CLDND1: variants seen among roughly 807,000 people sequenced by gnomAD.
CLDND1 encodes claudin domain-containing protein 1.
A neutral mutation model predicts 26.3 loss-of-function variants in CLDND1; 13 were observed. That is an observed-to-expected ratio of 0.49 (90% CI 0.32 to 0.78). The LOEUF (loss-of-function observed/expected upper bound fraction) is 0.78, where lower values mean the gene tolerates loss of function less well. CLDND1 is among the 30% of genes least tolerant of loss of function. The pLI, the probability that CLDND1 is intolerant of heterozygous loss-of-function variation, is 0.03. For missense variants in CLDND1, 289 were observed against 312.8 expected, an observed-to-expected ratio of 0.92 and a Z score of 0.57; for synonymous variants, 107 against 107.0, an observed-to-expected ratio of 1.00 and a Z score of 0.00.
rs1251503227 is a variant in CLDND1, at chr3:98,521,225, G to A, written c.200C>T (p.Ala67Val). 10 of 1,614,046 alleles carry A rather than the reference G, an allele frequency of 6.2e-6. No homozygotes were observed. The highest frequency in any genetic ancestry group is 8.5e-6 in the Non-Finnish European group (10 of 1,179,998). The stretch of plus-strand genomic sequence containing the variant: ...CACTGTGCCATTGTATCGAAAAAGT[G>A]CATCATTATAAGTCTTTTCATCTGC... ...DEADEKTYND[A>V]LFRYNGTVGL... The change falls in exon 2 of 5, where the codon GCA (alanine) becomes GTA (valine). Residue 67 changes from alanine (A) to valine (V), a missense_variant. Physicochemically the swap from Ala to Val is moderately conservative, Grantham distance 64. Coordinates refer to ENST00000341181, the MANE Select transcript of CLDND1 (RefSeq NM_001040181.2).
At chr3:98,522,807 C>T in intron 1 of CLDND1, 42 bp downstream of exon 1, 3 of 1,613,510 alleles carry the variant, frequency 1.9e-6, no homozygotes, top group South Asian at 2.2e-5. Flanking sequence ...CATGGAACCG[C>T]GACGCGACCC....
chr3:98,516,534 A>G lies in CLDND1; in HGVS notation c.*125T>C. ...TTTAGTGGTGAATGTGTATAAATAA[A>G]ATAGATTTTCATAATAAAATGGTAT... On this transcript the variant is annotated 3_prime_UTR_variant, in exon 5 of 5. Transcript: ENST00000341181. The G allele has an allele frequency of 7.0e-7, 1 of 1,425,160 alleles. No homozygotes were observed. Among genetic ancestry groups the G allele is most frequent in the East Asian group, 2.5e-5 (1 of 39,978 alleles). 88.3% of individuals were successfully genotyped at this position (1,425,160 alleles called of 1,614,324 possible). A position where few individuals can be genotyped will look rare whatever the true frequency, so the allele number is the denominator to read the frequency against.
At position 98,515,650 on chromosome 3, in the gene CLDND1, A is replaced by G; in HGVS notation, c.*1009T>C. The G allele has an allele frequency of 1.7e-6, 2 of 1,209,514 alleles. No individual in the cohort carries two copies. Among genetic ancestry groups the G allele is most frequent in the Non-Finnish European group, 2.1e-6 (2 of 949,144 alleles). The allele number at this position is 1,209,514 out of a possible 1,614,324, so 74.9% of individuals were successfully genotyped here. A position where few individuals can be genotyped will look rare whatever the true frequency, so the allele number is the denominator to read the frequency against. ...ATACTTATAAAAAAATGACTGAATTAGAAGACATTAAATAATGTTGATACA... is the reference window on the plus strand; with the variant it reads ...ATACTTATAAAAAAATGACTGAATTGGAAGACATTAAATAATGTTGATACA... On this transcript the variant is annotated 3_prime_UTR_variant, in exon 5 of 5. Transcript: ENST00000341181.
rs557847850 is a variant in CLDND1 at position 98,518,952 on chromosome 3, A to C, written c.336T>G (p.Thr112=). The stretch of plus-strand genomic sequence containing the variant: ...CAACAAATTTCTCCATGAACTGCTC[A>C]GTTAGTGTGAAACTCACACATTTTG... ...VVTKCVSFTL[T]EQFMEKFVDP... Residue 112 remains threonine (T), a synonymous_variant, in exon 3 of 5, where the codon ACT becomes ACG. Coordinates refer to ENST00000341181, the MANE Select transcript of CLDND1 (RefSeq NM_001040181.2). The C allele has an allele frequency of 1.2e-6, 2 of 1,613,514 alleles. No individual in the cohort carries two copies. Among genetic ancestry groups the C allele is most frequent in the South Asian group, 2.2e-5 (2 of 90,902 alleles).
At chr3:98,519,196 AG>A (rs1706295013) in intron 2 of CLDND1, among the ~76,000 whole-genome samples, 1 of 152,238 alleles carries the variant, frequency 6.6e-6, no homozygotes, top group Non-Finnish European at 1.5e-5. Flanking sequence ...CATAGGCACA[AG>A]GAAGAAAAAT....
intron 1 of CLDND1, 73 bp downstream of exon 1, chr3:98,522,776 C>A: frequency 6.2e-7 from 1 of 1,612,330 alleles, no homozygotes; most frequent in Non-Finnish European, 8.5e-7. Context: ...GGAAGGGGGC[C>A]CCTCTTCAAA....
In CLDND1 at chr3:98,521,665, G is replaced by A. The variant is rs11553640; in HGVS notation, c.-18-223C>T. ...AATGCTCACATACCCAGGATGCTAC[G>A]GAGACAGAGGTCTTGTTCTCTAGTC... On this transcript the variant is annotated intron_variant, in intron 1 of 4. Transcript: ENST00000341181. 1.1e-5 allele frequency: 17 copies of A among 1,612,126 alleles called. No individual in the cohort carries two copies. In the African/African-American group the frequency reaches 1.1e-4, roughly 10 times the overall value.
In CLDND1 at chr3:98,519,893, A is replaced by C. The variant is rs952346947; in HGVS notation, c.293-898T>G. Among the ~76,000 whole-genome samples, 107 of 152,160 alleles carry C rather than the reference A, an allele frequency of 7.0e-4. 1 individual carries two copies. The highest frequency in any genetic ancestry group is 1.8e-4 in the Non-Finnish European group (12 of 68,024). On this transcript the variant is annotated intron_variant, in intron 2 of 4. Coordinates refer to ENST00000341181, the MANE Select transcript of CLDND1 (RefSeq NM_001040181.2). Reference sequence around the variant, plus strand: ...TAGTCTTTAACTACATTCTTTACTCAAGTGGTGTCTTCTCAATGAGACCTA... The same window carrying C: ...TAGTCTTTAACTACATTCTTTACTCCAGTGGTGTCTTCTCAATGAGACCTA...
chr3:98,515,784 T>C lies in CLDND1; in HGVS notation c.*875A>G. ...AGAACTTTAGATCTTGTGGTAGGTT[T>C]CCCAGCTCTGGAGGGTCATTATGGT... is the stretch of plus-strand genomic sequence containing the variant. On this transcript the variant is annotated 3_prime_UTR_variant, in exon 5 of 5. Transcript: ENST00000341181. The C allele has an allele frequency of 1.6e-6, 2 of 1,289,798 alleles. No individual in the cohort carries two copies. The highest frequency in any genetic ancestry group is 2.0e-6 in the Non-Finnish European group (2 of 988,864). The allele number at this position is 1,289,798 out of a possible 1,614,324, so 79.9% of individuals were successfully genotyped here.
chr3:98,519,814 T>C (rs2107151318), intron 2 of CLDND1, among the ~76,000 whole-genome samples: 1 of 152,334 alleles, frequency 6.6e-6, no homozygotes, highest in East Asian at 1.9e-4. Flanking sequence ...GTAGATGTCC[T>C]TTCCAACCTA....
chr3:98,521,926 A>C (rs891046809), intron 1 of CLDND1: 1 of 538,082 alleles, frequency 1.9e-6, no homozygotes, highest in Non-Finnish European at 3.3e-6. Context: ...AAGCCTCCTA[A>C]AACAAAGGTA....
chr3:98,521,376 G>A lies in CLDND1; in HGVS notation c.49C>T (p.Leu17Phe), dbSNP rs573542504. 8.7e-6 allele frequency: 14 copies of A among 1,614,146 alleles called. No individual in the cohort carries two copies. Among genetic ancestry groups the A allele is most frequent in the Admixed American group, 8.3e-5 (5 of 60,024 alleles). Residue 17 changes from leucine (L) to phenylalanine (F), a missense_variant, in exon 2 of 5, where the codon CTC becomes TTC. Leu to Phe is a conservative substitution (Grantham distance 22, BLOSUM62 0). Transcript: ENST00000341181. The part of the protein sequence containing the change: ...TAFVIACVLS[L>F]ISTIYMAASI... ...GCTGCCATGTAGATGGTGGAAATGAGGCTAAGCACACAAGCAATTACAAAT... is the reference window on the plus strand; with the variant it reads ...GCTGCCATGTAGATGGTGGAAATGAAGCTAAGCACACAAGCAATTACAAAT...
chr3:98,516,023 T>G lies in CLDND1; in HGVS notation c.*636A>C. On this transcript the variant is annotated 3_prime_UTR_variant, in exon 5 of 5. Transcript: ENST00000341181. Reference sequence around the variant, plus strand: ...CCTCGCCCGGCTGAACTGGAATTCTTGCAGTTACAAAGTTAAAATTTCAAG... The same window carrying G: ...CCTCGCCCGGCTGAACTGGAATTCTGGCAGTTACAAAGTTAAAATTTCAAG... The G allele has an allele frequency of 8.6e-7, 1 of 1,161,992 alleles. No homozygotes were observed. The highest frequency in any genetic ancestry group is 1.1e-6 in the Non-Finnish European group (1 of 928,872). The allele number at this position is 1,161,992 out of a possible 1,614,324, so 72.0% of individuals were successfully genotyped here. A position where few individuals can be genotyped will look rare whatever the true frequency, so the allele number is the denominator to read the frequency against.
intron 1 of CLDND1, chr3:98,522,643 G>A (rs1706474589): frequency 7.8e-6 from 11 of 1,408,948 alleles, no homozygotes; most frequent in Non-Finnish European, 1.0e-5. Context: ...GCCAGGGCTG[G>A]GGCGGGGCAG....
chr3:98,517,921 A>T (rs577999494), intron 3 of CLDND1, among the ~76,000 whole-genome samples: 7 of 152,344 alleles, frequency 4.6e-5, no homozygotes, highest in African/African-American at 1.7e-4. Flanking sequence ...TATGATCTAA[A>T]GGCAGTAACA....
intron 1 of CLDND1, chr3:98,521,853 T>C: frequency 1.6e-6 from 1 of 630,596 alleles, no homozygotes; most frequent in Non-Finnish European, 2.8e-6. Flanking sequence ...GGTTTGAGTG[T>C]TAAAAAGGCA....
chr3:98,522,804 C>A (rs767763476), intron 1 of CLDND1, 45 bp downstream of exon 1: 25 of 1,613,582 alleles, frequency 1.5e-5, no homozygotes, highest in Non-Finnish European at 1.9e-5. Context: ...GAACATGGAA[C>A]CGCGACGCGA....
rs749740673 is a variant in CLDND1 at position 98,522,859 on chromosome 3, C to T, written c.-29G>A. 1.9e-6 allele frequency: 3 copies of T among 1,613,816 alleles called. No homozygotes were observed. The highest frequency in any genetic ancestry group is 3.3e-5 in the Admixed American group (2 of 60,022). On this transcript the variant is annotated 5_prime_UTR_variant, in exon 1 of 5. Coordinates refer to ENST00000341181, the MANE Select transcript of CLDND1 (RefSeq NM_001040181.2). ...GTCCCGCTCACTCACCGCCCATCCT[C>T]CTGCTCCGCCAGCTTCACCCTCTAG...
At position 98,521,169 on chromosome 3, in the gene CLDND1, T is replaced by C. The variant is rs1307157662; in HGVS notation, c.256A>G (p.Lys86Glu). Residue 86 changes from lysine (K) to glutamate (E), a missense_variant, in exon 2 of 5, where the codon AAA becomes GAA. By Grantham distance (56) the Lys-to-Glu change is moderately conservative. Transcript: ENST00000341181. ...GLWRRCITIP[K>E]NMHWYSPPER... is the part of the protein sequence containing the mutation. ...GGTGGGCTATACCAATGCATGTTTT[T>C]GGGTATGGTGATACACCGTCTCCAC... 1 of 1,614,018 alleles carries C rather than the reference T, an allele frequency of 6.2e-7. No homozygotes were observed. The highest frequency in any genetic ancestry group is 1.7e-5 in the Admixed American group (1 of 60,030).
Sources: allele counts gnomAD v4.1 joint callset (sites outside exome capture counted in the v4.1 genomes callset), GRCh38; gene constraint gnomAD v4.1.1; transcripts MANE v1.5; gene names NCBI Gene and HGNC (gene_info 2026-07-23, HGNC 2026-07-21).